The following RC3H1 variants were observed in gnomAD, a reference collection of about 807,000 sequenced individuals.
RC3H1 encodes roquin-1.
Under a neutral mutation model 138.2 loss-of-function variants are expected in RC3H1, and 50 were observed. That is an observed-to-expected ratio of 0.36 (90% CI 0.29 to 0.46). RC3H1 has a LOEUF of 0.46. Ranked by LOEUF, RC3H1 falls within the 20% of genes least tolerant of loss-of-function variation. RC3H1 has a pLI of 1.00. For synonymous variants in RC3H1, 462 were observed against 489.1 expected (o/e 0.94, Z 0.73); for missense variants, 1,031 against 1,388.1 (o/e 0.74, Z 4.09).
Position 173,943,457 on chromosome 1 carries a change from T to C in RC3H1, c.3120A>G (p.Thr1040=), listed in dbSNP as rs1658996258. Residue 1040 remains threonine, a synonymous_variant, in exon 18 of 20, where the codon ACA becomes ACG. Transcript: ENST00000367696. ...TAACACTCACCATACTCAGTTCCCGTGTTCTCTTCCCGATTTCCCTTTCCA... is the reference window on the plus strand; with the variant it reads ...TAACACTCACCATACTCAGTTCCCGCGTTCTCTTCCCGATTTCCCTTTCCA... The part of the protein sequence containing the change: ...HQVEREIGKR[T]RELSMENQCS... 2.5e-6 allele frequency: 4 copies of C among 1,613,560 alleles called. No homozygotes were observed. The African/African-American group carries it at 4.0e-5, about 16-fold the overall frequency.
Position 173,961,750 on chromosome 1 carries a change from G to T in RC3H1, c.2177C>A (p.Thr726Asn). The change falls in exon 12 of 20, where the codon ACT becomes AAT. Residue 726 changes from threonine (T) to asparagine (N), a missense_variant. Thr to Asn is a moderately conservative substitution (Grantham distance 65). Transcript: ENST00000367696. ...ESYYPVAPHP[T>N]QIRPSYLREP... ...TCTGAGGTACGAAGGTCTGATCTGA[G>T]TTGGATGAGGAGCCACTGGATAGTA... 6.2e-7 allele frequency: 1 copy of T among 1,612,562 alleles called. No homozygotes were observed. The highest frequency in any genetic ancestry group is 8.5e-7 in the Non-Finnish European group (1 of 1,179,948).
chr1:173,946,925 A>C, intron 15 of RC3H1, 89 bp from the exon 16 acceptor site: 1 of 853,382 alleles, frequency 1.2e-6, no homozygotes, highest in South Asian at 1.5e-5. Context: ...AGCGTATTGC[A>C]TACACAGGTA....
At chr1:173,965,525 C>T (rs1398507402) in intron 9 of RC3H1, among the ~76,000 whole-genome samples, 6 of 150,786 alleles carry the variant, frequency 4.0e-5, no homozygotes, top group African/African-American at 1.5e-4. Context: ...TGGGAGACAG[C>T]GGTTGCAGTG....
intron 6 of RC3H1, among the ~76,000 whole-genome samples, chr1:173,979,869 T>C (rs1385264330): frequency 6.6e-6 from 1 of 151,996 alleles, no homozygotes; most frequent in African/African-American, 2.4e-5. Flanking sequence ...CAACCTACAT[T>C]GTAACTGAAA....
chr1:174,012,443 C>A (rs1661785948), intron 1 of RC3H1, among the ~76,000 whole-genome samples: 1 of 151,908 alleles, frequency 6.6e-6, no homozygotes, highest in Non-Finnish European at 1.5e-5. Context: ...CTCCAATACC[C>A]TCTTCAAAAT....
At chr1:173,947,043 A>G (rs1316741782) in intron 15 of RC3H1, among the ~76,000 whole-genome samples, 3 of 152,154 alleles carry the variant, frequency 2.0e-5, no homozygotes, top group Non-Finnish European at 2.9e-5. Context: ...TTCTTCCCCA[A>G]TGAACTTTCA....
At chr1:174,011,575 G>C (rs536736909) in intron 1 of RC3H1, among the ~76,000 whole-genome samples, 28 of 151,972 alleles carry the variant, frequency 1.8e-4, no homozygotes, top group African/African-American at 6.5e-4. Context: ...TTTTGAGCCA[G>C]TGTAACCAGT....
chr1:173,984,208 T>C (rs1419586828), intron 3 of RC3H1, among the ~76,000 whole-genome samples: 2 of 152,242 alleles, frequency 1.3e-5, no homozygotes, highest in African/African-American at 4.8e-5. Context: ...AATGTTTCCA[T>C]CATCACATAA....
At chr1:173,974,437 T>C (rs1403446436) in intron 7 of RC3H1, among the ~76,000 whole-genome samples, 2 of 152,132 alleles carry the variant, frequency 1.3e-5, no homozygotes, top group African/African-American at 4.8e-5. Context: ...TTTTGTACAA[T>C]GTTCAATACA....
At chr1:173,960,962 T>A in intron 13 of RC3H1, 115 bp downstream of exon 13, 1 of 1,006,480 alleles carries the variant, frequency 9.9e-7, no homozygotes, top group Non-Finnish European at 1.5e-6. Flanking sequence ...ATAAAAAACC[T>A]TTCAGAGGAA....
chr1:173,935,048 A>T lies in RC3H1; in HGVS notation c.*3673T>A, dbSNP rs1403937848. ...CAAACAATTTTTTAAATACATTCTGAGTAGTTGAATATTTGTAGTTGGCAT... is the reference window on the plus strand; with the variant it reads ...CAAACAATTTTTTAAATACATTCTGTGTAGTTGAATATTTGTAGTTGGCAT... On this transcript the variant is annotated 3_prime_UTR_variant, in exon 20 of 20. Transcript: ENST00000367696. 1 of 152,202 alleles carries T rather than the reference A, an allele frequency of 6.6e-6. No homozygotes were observed. The highest frequency in any genetic ancestry group is 1.5e-5 in the Non-Finnish European group (1 of 68,032). 9.4% of individuals were successfully genotyped at this position (152,202 alleles called of 1,614,324 possible). A position where few individuals can be genotyped will look rare whatever the true frequency, so the allele number is the denominator to read the frequency against.
intron 18 of RC3H1, among the ~76,000 whole-genome samples, chr1:173,941,940 GAAA>G (rs57487234): frequency 1.0e-5 from 1 of 98,196 alleles, no homozygotes; most frequent in African/African-American, 3.3e-5. Context: ...TCAAAAAAAG[GAAA>G]AAAAAAAAAA....
Position 173,943,620 on chromosome 1 carries a change from T to C in RC3H1, c.2962-5A>G. On this transcript the variant is annotated splice_polypyrimidine_tract_variant and splice_region_variant and intron_variant, in intron 17 of 19. Transcript: ENST00000367696. ...CACCAGCCTGTTACTAACAGCCTAG[T>C]GCATAAAGCCAAGCACACAGAAAAC... 6.2e-7 allele frequency: 1 copy of C among 1,609,004 alleles called. No homozygotes were observed. The highest frequency in any genetic ancestry group is 8.5e-7 in the Non-Finnish European group (1 of 1,177,646).
At chr1:173,966,129 G>C (rs1416451286) in intron 9 of RC3H1, among the ~76,000 whole-genome samples, 1 of 152,080 alleles carries the variant, frequency 6.6e-6, no homozygotes, top group East Asian at 1.9e-4. Context: ...AACACAGTGA[G>C]ACCCTGTTTC....
At chr1:173,958,741 T>C (rs1659747939) in intron 13 of RC3H1, among the ~76,000 whole-genome samples, 1 of 152,032 alleles carries the variant, frequency 6.6e-6, no homozygotes, top group Non-Finnish European at 1.5e-5. Context: ...TACAAAGAAG[T>C]TGACTCCCCA....
At chr1:174,006,931 G>T (rs977543177) in intron 1 of RC3H1, among the ~76,000 whole-genome samples, 17 of 152,188 alleles carry the variant, frequency 1.1e-4, no homozygotes, top group African/African-American at 3.6e-4. Flanking sequence ...TCAGTTCAAC[G>T]AATTATCACA....
intron 1 of RC3H1, among the ~76,000 whole-genome samples, chr1:173,993,977 G>A (rs1661396042): frequency 7.5e-6 from 1 of 132,828 alleles, no homozygotes. Flanking sequence ...CCAAGATCGC[G>A]CCATTGCACT....
intron 1 of RC3H1, among the ~76,000 whole-genome samples, chr1:174,003,424 C>T (rs1004039889): frequency 1.3e-5 from 2 of 150,124 alleles, no homozygotes; most frequent in East Asian, 2.0e-4. Flanking sequence ...CACACACGTA[C>T]GGGGAATCAT....
chr1:173,983,182 CA>C (rs1660891912), intron 4 of RC3H1: 1 of 529,732 alleles, frequency 1.9e-6, no homozygotes, highest in African/African-American at 2.0e-5. Flanking sequence ...AAGGAAAAAT[CA>C]AAAAATTAAA....
Sources: allele counts gnomAD v4.1 joint callset (sites outside exome capture counted in the v4.1 genomes callset), GRCh38; gene constraint gnomAD v4.1.1; transcripts MANE v1.5; gene names NCBI Gene and HGNC (gene_info 2026-07-23, HGNC 2026-07-21).